SERINC2: variants seen among roughly 807,000 people sequenced by gnomAD.
The protein encoded by SERINC2 is serine incorporator 2, also known as tumor differentially expressed protein 2.
A neutral mutation model predicts 54.2 loss-of-function variants in SERINC2; 56 were observed. The observed-to-expected ratio is 1.03, with a 90% CI of 0.83 to 1.29. The LOEUF (loss-of-function observed/expected upper bound fraction) is 1.29. Ranked by LOEUF, SERINC2 falls within the 50% of genes most tolerant of loss-of-function variation. The pLI, the probability that SERINC2 is intolerant of heterozygous loss-of-function variation, is 0.00. For synonymous variants in SERINC2, 272 were observed against 253.1 expected (o/e 1.07, Z -0.71); for missense variants, 614 against 607.4 (o/e 1.01, Z -0.12).
intron 6 of SERINC2, among the ~76,000 whole-genome samples, chr1:31,427,596 T>A (rs56160186): frequency 0.23 from 35,376 of 152,010 alleles, 4,762 homozygotes; most frequent in East Asian, 0.42. Context: ...CTCTTCTAGA[T>A]GTTGGGGATA....
Position 31,429,460 on chromosome 1 carries a change from A to C in SERINC2, c.935A>C (p.Glu312Ala), listed in dbSNP as rs1553134143. Residue 312 changes from glutamate (E) to alanine (A), a missense_variant, in exon 8 of 10, where the codon GAG (glutamate) becomes GCG (alanine). Coordinates refer to ENST00000373709, the MANE Select transcript of SERINC2 (RefSeq NM_178865.5). Reference sequence around the variant, plus strand: ...AACGAGACAGTTGTGGCAGGCCCCGAGGGCTATGAGACCCAGTGGTGGGAT... The same window carrying C: ...AACGAGACAGTTGTGGCAGGCCCCGCGGGCTATGAGACCCAGTGGTGGGAT... Reference protein sequence around the residue: ...LGNETVVAGPEGYETQWWDAP... With the variant: ...LGNETVVAGPAGYETQWWDAP... 8 of 1,613,764 alleles carry C rather than the reference A, an allele frequency of 5.0e-6. No homozygotes were observed. The highest frequency in any genetic ancestry group is 6.8e-6 in the Non-Finnish European group (8 of 1,179,864).
intron 1 of SERINC2, among the ~76,000 whole-genome samples, chr1:31,420,416 C>G (rs1640877733): frequency 6.6e-6 from 1 of 152,172 alleles, no homozygotes; most frequent in African/African-American, 2.4e-5. Flanking sequence ...TCAGATGTCT[C>G]AAATTGAAAT....
chr1:31,432,178 G>A (rs1252481738), intron 8 of SERINC2, among the ~76,000 whole-genome samples: 1 of 148,420 alleles, frequency 6.7e-6, no homozygotes, highest in African/African-American at 2.5e-5. Flanking sequence ...GGTGGATAGG[G>A]TGGATAGGGT....
rs563659220 is a variant in SERINC2, at chr1:31,414,329, C to T, written c.39+1025C>T. Reference sequence around the variant, plus strand: ...GAGGTTCATTCAGGCAGCCCCCTCCCCCTCTGGCCCCACACAAAGAGGCCC... The same window carrying T: ...GAGGTTCATTCAGGCAGCCCCCTCCTCCTCTGGCCCCACACAAAGAGGCCC... On this transcript the variant is annotated intron_variant, in intron 1 of 9. Coordinates refer to ENST00000373709, the MANE Select transcript of SERINC2 (RefSeq NM_178865.5). 3.8e-6 allele frequency: 5 copies of T among 1,312,696 alleles called. No homozygotes were observed. In the South Asian group the frequency reaches 1.2e-4, roughly 30 times the overall value. 81.3% of individuals were successfully genotyped at this position (1,312,696 alleles called of 1,614,324 possible).
chr1:31,409,962 C>A (rs1640622032), upstream of SERINC2: 1 of 1,075,434 alleles, frequency 9.3e-7, no homozygotes, highest in African/African-American at 1.6e-5. Context: ...GATTAGAGAA[C>A]CTTGGGGTGG....
chr1:31,415,108 G>A (rs1437689336), intron 1 of SERINC2, among the ~76,000 whole-genome samples: 3 of 152,162 alleles, frequency 2.0e-5, no homozygotes, highest in African/African-American at 7.2e-5. Flanking sequence ...CCACCCGCCC[G>A]GAGAAGATAG....
rs112472461 is a variant in SERINC2 at position 31,433,038 on chromosome 1, C to CCA, written c.1090_1091dup (p.Gln364HisfsTer41). 1 of 1,525,390 alleles carries CCA rather than the reference C, an allele frequency of 6.6e-7. No individual in the cohort carries two copies. 94.5% of individuals were successfully genotyped at this position (1,525,390 alleles called of 1,614,324 possible). A position where few individuals can be genotyped will look rare whatever the true frequency, so the allele number is the denominator to read the frequency against. ...GAGGAGTGCCCACCTATGCTAGACGCCACACAGCAGCAGCAGCAGGTGGCA... is the reference window on the plus strand; with the variant it reads ...GAGGAGTGCCCACCTATGCTAGACGCCACACACAGCAGCAGCAGCAGGTGGCA... On this transcript the variant is annotated frameshift_variant, in exon 9 of 10. Transcript: ENST00000373709. LOFTEE classifies it high-confidence loss of function.
In SERINC2 at chr1:31,432,330, G is replaced by C. The variant is rs1018903336; in HGVS notation, c.1014-637G>C. 7.2e-5 allele frequency among the ~76,000 whole-genome samples: 11 copies of C among 151,988 alleles called. No homozygotes were observed. The South Asian group carries it at 2.3e-3, about 32-fold the overall frequency. On this transcript the variant is annotated intron_variant, in intron 8 of 9. Transcript: ENST00000373709. ...TCACTTTTGTTTGGAAACGTGAGTT[G>C]GTTTTTCAAAAATTTTTATGTCTCA...
chr1:31,425,438 G>A lies in SERINC2; in HGVS notation c.472+29G>A, dbSNP rs369005169. The A allele has an allele frequency of 1.2e-5, 18 of 1,502,428 alleles. No individual in the cohort carries two copies. The African/African-American group carries it at 1.4e-4, about 11-fold the overall frequency. The allele number at this position is 1,502,428 out of a possible 1,614,324, so 93.1% of individuals were successfully genotyped here. On this transcript the variant is annotated intron_variant, in intron 4 of 9. Coordinates refer to ENST00000373709, the MANE Select transcript of SERINC2 (RefSeq NM_178865.5). ...GGCGGACTTGGCAGGAGGCATGGGGGGCTGTGGGGAGGGAAGTGGGGCGGC... is the reference window on the plus strand; with the variant it reads ...GGCGGACTTGGCAGGAGGCATGGGGAGCTGTGGGGAGGGAAGTGGGGCGGC...
At chr1:31,410,355 G>A, upstream of SERINC2, 6 of 1,548,250 alleles carry the variant, frequency 3.9e-6, no homozygotes, top group Non-Finnish European at 5.2e-6. Context: ...TCAGATAGCT[G>A]GGGTAAAAAA....
At chr1:31,431,787 T>C (rs61781664) in intron 8 of SERINC2, among the ~76,000 whole-genome samples, 343 of 11,960 alleles carry the variant, frequency 0.029, 16 homozygotes, top group Middle Eastern at 0.14. Flanking sequence ...ATAGGGTGGA[T>C]AGGGTGGATA....
At position 31,432,997 on chromosome 1, in the gene SERINC2, C is replaced by T. The variant is rs782222035; in HGVS notation, c.1044C>T (p.Asn348=). The T allele has an allele frequency of 1.9e-6, 3 of 1,612,200 alleles. No homozygotes were observed. The highest frequency in any genetic ancestry group is 1.1e-5 in the South Asian group (1 of 91,024). The stretch of plus-strand genomic sequence containing the variant: ...GCTCCTCAGACCACCGGCAGGTGAA[C>T]AGCCTGATGCAGACCGAGGAGTGCC... The part of the protein sequence containing the change: ...SLRSSDHRQV[N]SLMQTEECPP... Residue 348 remains asparagine (N), a synonymous_variant, in exon 9 of 10, where the codon AAC becomes AAT. Transcript: ENST00000373709.
chr1:31,421,189 C>T (rs944256956), intron 1 of SERINC2, among the ~76,000 whole-genome samples: 3 of 152,156 alleles, frequency 2.0e-5, no homozygotes, highest in Non-Finnish European at 2.9e-5. Context: ...ATCCAAGTTG[C>T]GTGCTTCTTA....
At chr1:31,414,700 C>T in intron 1 of SERINC2, 1 of 985,500 alleles carries the variant, frequency 1.0e-6, no homozygotes, top group Non-Finnish European at 1.2e-6. Flanking sequence ...TGGGCCAGGT[C>T]TCTGCCAACA....
chr1:31,429,359 C>T (rs1553134079), intron 7 of SERINC2, 38 bp from the exon 8 acceptor site: 1 of 1,580,200 alleles, frequency 6.3e-7, no homozygotes. Flanking sequence ...CTAGGCCTGG[C>T]CTGCATGGGC....
At chr1:31,423,987 G>A in intron 2 of SERINC2, 133 bp downstream of exon 2, 1 of 819,276 alleles carries the variant, frequency 1.2e-6, no homozygotes, top group Non-Finnish European at 1.9e-6. Context: ...ATGATCTGAG[G>A]TTGGAAATGA....
rs1372329880 is a variant in SERINC2 at position 31,425,925 on chromosome 1, C to T, written c.610+12C>T. 37 of 1,607,698 alleles carry T rather than the reference C, an allele frequency of 2.3e-5. No individual in the cohort carries two copies. The Admixed American group carries it at 6.2e-4, about 27-fold the overall frequency. On this transcript the variant is annotated intron_variant, in intron 5 of 9. Transcript: ENST00000373709. ...TGCCTGGTACGCAGGTCAGTGCTGC[C>T]ACCCTGCCTCCGTGTGGGGACTCGA...
rs1433540510 is a variant in SERINC2, at chr1:31,413,726, C to T, written c.39+422C>T. 7 of 1,320,046 alleles carry T rather than the reference C, an allele frequency of 5.3e-6. No homozygotes were observed. The South Asian group carries it at 5.9e-5, about 11-fold the overall frequency. The allele number at this position is 1,320,046 out of a possible 1,614,324, so 81.8% of individuals were successfully genotyped here. ...TTCTCTGTGTAGGTCGCCCGGGCCC[C>T]GTCCCTCCTGGCGAGTGCCCTGCCC... On this transcript the variant is annotated intron_variant, in intron 1 of 9. Transcript: ENST00000373709. The surrounding 1 kb of genome is among the most constrained non-coding windows in gnomAD (Gnocchi z 5.0).
At chr1:31,414,198 T>C in intron 1 of SERINC2, 6 of 1,360,262 alleles carry the variant, frequency 4.4e-6, no homozygotes, top group Non-Finnish European at 5.7e-6. Context: ...GTTCTGTAGC[T>C]GCAGCCGCAG....
Sources: allele counts gnomAD v4.1 joint callset (sites outside exome capture counted in the v4.1 genomes callset), GRCh38; gene constraint gnomAD v4.1.1; non-coding constraint Gnocchi (gnomAD v3.1); transcripts MANE v1.5; gene names NCBI Gene and HGNC (gene_info 2026-07-23, HGNC 2026-07-21).